MMP26: variants seen among roughly 807,000 people sequenced by gnomAD.
MMP26 encodes matrix metalloproteinase-26.
MMP26 carries 33 observed loss-of-function variants against 31.0 expected under a neutral mutation model. The observed-to-expected ratio is 1.06, with a 90% CI of 0.81 to 1.42. The LOEUF (loss-of-function observed/expected upper bound fraction) is 1.42, where lower values mean the gene tolerates loss of function less well. MMP26 is among the 40% of genes most tolerant of loss of function. The pLI is 0.00. For synonymous variants in MMP26, 122 were observed against 114.9 expected (o/e 1.06, Z -0.40); for missense variants, 347 against 316.1 (o/e 1.10, Z -0.74).
intron 2 of MMP26, chr11:4,913,394 C>G (rs950898563): frequency 2.0e-5 from 3 of 152,188 alleles, no homozygotes; most frequent in African/African-American, 4.8e-5. Context: ...TTAATCTGCA[C>G]TAAAACCATG....
intron 2 of MMP26, among the ~76,000 whole-genome samples, chr11:4,888,430 C>T (rs1161879538): frequency 2.0e-5 from 3 of 152,002 alleles, no homozygotes; most frequent in South Asian, 2.1e-4. Flanking sequence ...CTAGTGAAAT[C>T]GAAACACTAG....
At chr11:4,848,985 C>T in intron 2 of MMP26, 1 of 1,614,142 alleles carries the variant, frequency 6.2e-7, no homozygotes, top group South Asian at 1.1e-5. Context: ...ATCAGACACA[C>T]TAAGCAAGAA....
chr11:4,804,237 G>T (rs746631412), intron 2 of MMP26: 2 of 1,613,922 alleles, frequency 1.2e-6, no homozygotes, highest in Non-Finnish European at 1.7e-6. Flanking sequence ...TTACATGGAG[G>T]AGAGTGATAT....
In MMP26 at chr11:4,957,139, A is replaced by T. The variant is rs1285306115; in HGVS notation, c.-144-30929A>T. ...GTCAGGATGGTCAAGCAATATTTAAAGAGTTATGAACTGAATGTAGCTCGT... is the reference window on the plus strand; with the variant it reads ...GTCAGGATGGTCAAGCAATATTTAATGAGTTATGAACTGAATGTAGCTCGT... On this transcript the variant is annotated intron_variant, in intron 2 of 7. Coordinates refer to ENST00000380390, the MANE Select transcript of MMP26 (RefSeq NM_021801.5). Among the ~76,000 whole-genome samples the T allele has an allele frequency of 2.0e-5, 3 of 152,338 alleles. No individual in the cohort carries two copies. The East Asian group carries it at 5.8e-4, about 29-fold the overall frequency.
intron 2 of MMP26, among the ~76,000 whole-genome samples, chr11:4,906,483 CAT>C (rs1314174451): frequency 1.3e-5 from 2 of 152,124 alleles, no homozygotes; most frequent in Non-Finnish European, 2.9e-5. Flanking sequence ...CTTGATGTAA[CAT>C]GTATATTTAC....
At chr11:4,739,409 G>A (rs1848283518) in intron 1 of MMP26, among the ~76,000 whole-genome samples, 1 of 152,038 alleles carries the variant, frequency 6.6e-6, no homozygotes, top group South Asian at 2.1e-4. Flanking sequence ...CTTAGGTACT[G>A]GAAAATCTTG....
Position 4,896,795 on chromosome 11 carries a change from G to A in MMP26, c.-144-91273G>A, listed in dbSNP as rs187092916. ...CGCAAACAAGTAACATTAAAAAAGA[G>A]GAGTGCTAAAAACTCAAAATCTGAA... On this transcript the variant is annotated intron_variant, in intron 2 of 7. Coordinates refer to ENST00000380390, the MANE Select transcript of MMP26 (RefSeq NM_021801.5). Among the ~76,000 whole-genome samples the A allele has an allele frequency of 2.6e-5, 4 of 152,226 alleles. No homozygotes were observed. The East Asian group carries it at 7.7e-4, about 29-fold the overall frequency.
At chr11:4,924,488 G>A in intron 2 of MMP26, 1 of 765,950 alleles carries the variant, frequency 1.3e-6, no homozygotes, top group Non-Finnish European at 2.1e-6. Flanking sequence ...GGTGGGGGCT[G>A]ATCTATTAGC....
At chr11:4,907,913 C>T (rs757081032) in intron 2 of MMP26, 2 of 1,614,054 alleles carry the variant, frequency 1.2e-6, no homozygotes, top group Non-Finnish European at 1.7e-6. Context: ...CTGTCTTCAT[C>T]AGGATACCAT....
At chr11:4,917,184 G>A (rs1199657590) in intron 2 of MMP26, among the ~76,000 whole-genome samples, 1 of 152,014 alleles carries the variant, frequency 6.6e-6, no homozygotes, top group Non-Finnish European at 1.5e-5. Flanking sequence ...TTTTTATTTC[G>A]CTAACTAATA....
chr11:4,816,976 G>A (rs1849430431), intron 2 of MMP26, among the ~76,000 whole-genome samples: 1 of 151,446 alleles, frequency 6.6e-6, no homozygotes, highest in Non-Finnish European at 1.5e-5. Flanking sequence ...TCCCAAAGTG[G>A]GGTGCCTTCT....
At chr11:4,899,590 G>T (rs139521065) in intron 2 of MMP26, among the ~76,000 whole-genome samples, 225 of 152,208 alleles carry the variant, frequency 1.5e-3, no homozygotes, top group Middle Eastern at 0.01. Context: ...AAATTTGCCA[G>T]GATGGTACCA....
intron 2 of MMP26, among the ~76,000 whole-genome samples, chr11:4,864,019 C>A (rs1185471650): frequency 2.6e-5 from 4 of 152,116 alleles, no homozygotes; most frequent in Non-Finnish European, 5.9e-5. Flanking sequence ...ACAATTCCAG[C>A]CCAATTTCAG....
intron 2 of MMP26, among the ~76,000 whole-genome samples, chr11:4,910,159 G>C (rs530025295): frequency 1.3e-5 from 2 of 152,068 alleles, no homozygotes; most frequent in Non-Finnish European, 2.9e-5. Context: ...ATCTGTTTTC[G>C]TGCATTTTCT....
intron 2 of MMP26, chr11:4,946,422 G>A: frequency 6.2e-7 from 1 of 1,608,760 alleles, no homozygotes; most frequent in Middle Eastern, 1.7e-4. Context: ...GCAATTCCCA[G>A]TACAGTCTTG....
At position 4,965,450 on chromosome 11, in the gene MMP26, A is replaced by G. The variant is rs1846579648; in HGVS notation, c.-144-22618A>G. Among the ~76,000 whole-genome samples the G allele has an allele frequency of 3.9e-5, 6 of 152,220 alleles. No homozygotes were observed. In the South Asian group the frequency reaches 1.2e-3, roughly 31 times the overall value. On this transcript the variant is annotated intron_variant, in intron 2 of 7. Transcript: ENST00000380390. ...AATGTCTGATTTGAGATTCCTTATG[A>G]AAATTTTTAAGAAGGTTAAGGAGGC... is the stretch of plus-strand genomic sequence containing the variant.
intron 2 of MMP26, among the ~76,000 whole-genome samples, chr11:4,801,816 G>A (rs1849187527): frequency 1.3e-5 from 2 of 151,974 alleles, no homozygotes. Flanking sequence ...TGGGATTACA[G>A]GTGTGAACCA....
At chr11:4,839,919 C>T (rs1351157810) in intron 2 of MMP26, among the ~76,000 whole-genome samples, 1 of 151,892 alleles carries the variant, frequency 6.6e-6, no homozygotes, top group Non-Finnish European at 1.5e-5. Context: ...ATTTCTGGAA[C>T]TGCCCTGGGC....
At chr11:4,924,704 G>A (rs756474935) in intron 2 of MMP26, among the ~76,000 whole-genome samples, 3 of 152,178 alleles carry the variant, frequency 2.0e-5, no homozygotes, top group Non-Finnish European at 4.4e-5. Context: ...AGCCAGGACT[G>A]GATCTAGAGA....
Sources: gnomAD v4.1 joint callset for allele counts (sites outside exome capture counted in the v4.1 genomes callset) on GRCh38, gnomAD v4.1.1 for gene constraint, MANE v1.5 for transcripts, NCBI Gene and HGNC (gene_info 2026-07-23, HGNC 2026-07-21) for gene names.